MGAT4A: variants seen among roughly 807,000 people sequenced by gnomAD.
MGAT4A encodes the protein N-acetylglucosaminyltransferase IVa.
MGAT4A carries 33 observed loss-of-function variants against 74.1 expected under a neutral mutation model. That is an observed-to-expected ratio of 0.45 (90% CI 0.34 to 0.60). The LOEUF is 0.60. MGAT4A is among the 20% of genes least tolerant of loss of function. The pLI is 0.02. For missense variants in MGAT4A, 479 were observed against 628.3 expected, an observed-to-expected ratio of 0.76 and a Z score of 2.54; for synonymous variants, 198 against 210.4, an observed-to-expected ratio of 0.94 and a Z score of 0.51.
In MGAT4A at chr2:98,623,143, G is replaced by A; in HGVS notation, c.*2423C>T. The stretch of plus-strand genomic sequence containing the variant: ...ACACCCTAGGCACGGGTAGATTCAT[G>A]GGGAGAGAAGCACAAAAAAGTCCTG... On this transcript the variant is annotated 3_prime_UTR_variant, in exon 16 of 16. Coordinates refer to ENST00000393487, the MANE Select transcript of MGAT4A (RefSeq NM_012214.3). 3 of 985,410 alleles carry A rather than the reference G, an allele frequency of 3.0e-6. No homozygotes were observed. The highest frequency in any genetic ancestry group is 3.6e-6 in the Non-Finnish European group (3 of 829,942). 61.0% of individuals were successfully genotyped at this position (985,410 alleles called of 1,614,324 possible).
At chr2:98,726,048 G>A in intron 2 of MGAT4A, 191 bp downstream of exon 2, 2 of 474,752 alleles carry the variant, frequency 4.2e-6, no homozygotes, top group Non-Finnish European at 7.5e-6. Context: ...AACAAAACAA[G>A]CCCCACTGGA....
intron 10 of MGAT4A, among the ~76,000 whole-genome samples, chr2:98,643,198 G>A (rs1701437803): frequency 6.6e-6 from 1 of 152,042 alleles, no homozygotes; most frequent in Admixed American, 6.6e-5. Context: ...AAAAATCATT[G>A]TTTTTTTGTA....
chr2:98,664,788 G>A (rs967679845), intron 4 of MGAT4A, among the ~76,000 whole-genome samples: 4 of 152,150 alleles, frequency 2.6e-5, no homozygotes, highest in African/African-American at 9.7e-5. Context: ...CTGACAAAGT[G>A]TTTGAGTGTT....
Position 98,623,187 on chromosome 2 carries a change from G to A in MGAT4A, c.*2379C>T. ...AGTCCTGGAATGATAGGAAAGATTT[G>A]GCTAAAAGGAGTCTTGGGAACAAGA... On this transcript the variant is annotated 3_prime_UTR_variant, in exon 16 of 16. Transcript: ENST00000393487. 1.0e-6 allele frequency: 1 copy of A among 985,416 alleles called. No individual in the cohort carries two copies. The highest frequency in any genetic ancestry group is 1.2e-6 in the Non-Finnish European group (1 of 829,962). The allele number at this position is 985,416 out of a possible 1,614,324, so 61.0% of individuals were successfully genotyped here. A position where few individuals can be genotyped will look rare whatever the true frequency, so the allele number is the denominator to read the frequency against.
At position 98,675,062 on chromosome 2, in the gene MGAT4A, C is replaced by G. The variant is rs201036991; in HGVS notation, c.376G>C (p.Val126Leu). 1 of 1,611,758 alleles carries G rather than the reference C, an allele frequency of 6.2e-7. No homozygotes were observed. Among genetic ancestry groups the G allele is most frequent in the Non-Finnish European group, 8.5e-7 (1 of 1,179,378 alleles). ...LKNEGSLQPAVQIGNGRTGVS... is the reference protein window; with the variant it reads ...LKNEGSLQPALQIGNGRTGVS... ...CCTGTTCTTCCGTTGCCAATCTGTA[C>G]AGCAGGTTGAAGACTTCCTTCATTT... The change falls in exon 4 of 16, where the codon GTA becomes CTA. Residue 126 changes from valine to leucine, a missense_variant. Val to Leu is a conservative substitution (Grantham distance 32, BLOSUM62 1). Transcript: ENST00000393487.
chr2:98,711,601 G>A (rs1227815684), intron 2 of MGAT4A, among the ~76,000 whole-genome samples: 4 of 151,918 alleles, frequency 2.6e-5, no homozygotes, highest in Non-Finnish European at 5.9e-5. Flanking sequence ...ATTGATTGAG[G>A]TGTTTGAAGT....
chr2:98,636,719 G>A (rs951248532), intron 12 of MGAT4A, 124 bp from the exon 13 acceptor site: 22 of 740,824 alleles, frequency 3.0e-5, no homozygotes, highest in Admixed American at 6.4e-5. Context: ...AGTTGACAAC[G>A]CTAGAGCTTC....
chr2:98,682,812 C>T (rs1030116729), intron 2 of MGAT4A, among the ~76,000 whole-genome samples: 3 of 151,944 alleles, frequency 2.0e-5, no homozygotes, highest in African/African-American at 4.8e-5. Flanking sequence ...GGCGGCCGGG[C>T]GTGATGGCTC....
intron 10 of MGAT4A, among the ~76,000 whole-genome samples, chr2:98,641,775 A>C (rs1166600765): frequency 6.6e-6 from 1 of 151,998 alleles, no homozygotes; most frequent in Non-Finnish European, 1.5e-5. Context: ...TTGGGGGATC[A>C]TGAGGTCACG....
At chr2:98,689,024 A>G (rs962579996) in intron 2 of MGAT4A, among the ~76,000 whole-genome samples, 4 of 152,238 alleles carry the variant, frequency 2.6e-5, no homozygotes, top group African/African-American at 9.6e-5. Flanking sequence ...ATTCCTAATC[A>G]TGCTAAAAAA....
chr2:98,677,293 A>G (rs114862853), intron 3 of MGAT4A, among the ~76,000 whole-genome samples: 1,791 of 152,358 alleles, frequency 0.012, 10 homozygotes, highest in Middle Eastern at 0.031. Flanking sequence ...CAAATAGCTC[A>G]AAGATTTCTC....
chr2:98,699,515 T>C (rs562451471), intron 2 of MGAT4A, among the ~76,000 whole-genome samples: 22 of 151,912 alleles, frequency 1.4e-4, no homozygotes, highest in East Asian at 7.7e-4. Context: ...CTTTTTTTTT[T>C]CCCCCTAAAT....
intron 13 of MGAT4A, among the ~76,000 whole-genome samples, chr2:98,635,580 T>G (rs1281382119): frequency 6.6e-6 from 1 of 152,184 alleles, no homozygotes; most frequent in Non-Finnish European, 1.5e-5. Flanking sequence ...TGTAGTTAAC[T>G]TGAAAGAAAT....
intron 2 of MGAT4A, among the ~76,000 whole-genome samples, chr2:98,681,120 C>T (rs1702052563): frequency 1.3e-5 from 2 of 152,082 alleles, no homozygotes; most frequent in African/African-American, 4.8e-5. Context: ...GTAGCTGGGA[C>T]TACAGGCGCC....
chr2:98,665,550 A>G (rs533959719), intron 4 of MGAT4A, among the ~76,000 whole-genome samples: 7 of 152,274 alleles, frequency 4.6e-5, no homozygotes, highest in African/African-American at 1.7e-4. Context: ...CCAAAAAAAG[A>G]TATTTGCTCT....
At chr2:98,716,001 A>C in intron 2 of MGAT4A, among the ~76,000 whole-genome samples, 1 of 152,174 alleles carries the variant, frequency 6.6e-6, no homozygotes, top group East Asian at 1.9e-4. Context: ...TCAACATCAC[A>C]CACCTCCTGA....
At chr2:98,662,900 T>G (rs1348979716) in intron 5 of MGAT4A, 146 bp downstream of exon 5, 1 of 545,960 alleles carries the variant, frequency 1.8e-6, no homozygotes, top group African/African-American at 1.9e-5. Context: ...CAATTTACAT[T>G]AAACTACCAG....
chr2:98,718,233 G>T (rs1702617467), intron 2 of MGAT4A, among the ~76,000 whole-genome samples: 1 of 152,136 alleles, frequency 6.6e-6, no homozygotes, highest in South Asian at 2.1e-4. Context: ...TGCTTTTCCT[G>T]CTTAGCAGTA....
chr2:98,651,196 G>T (rs1317540904), intron 8 of MGAT4A, among the ~76,000 whole-genome samples: 1 of 152,170 alleles, frequency 6.6e-6, no homozygotes, highest in Non-Finnish European at 1.5e-5. Flanking sequence ...AGGTCAATAA[G>T]CAGTAATAAA....
Sources: allele counts gnomAD v4.1 joint callset (sites outside exome capture counted in the v4.1 genomes callset), GRCh38; gene constraint gnomAD v4.1.1; transcripts MANE v1.5; gene names NCBI Gene and HGNC (gene_info 2026-07-23, HGNC 2026-07-21).